ADGRG7: variants seen among roughly 807,000 people sequenced by gnomAD.
ADGRG7 encodes the protein adhesion G protein-coupled receptor G7, also known as G-protein coupled receptor 128.
Under a neutral mutation model 88.6 loss-of-function variants are expected in ADGRG7, and 82 were observed. The ratio of observed to expected loss-of-function variants is 0.93; its 90% CI spans 0.77 to 1.11. The LOEUF is 1.11. Among genes scored for constraint, ADGRG7 ranks in the 50% most tolerant of loss-of-function variants. The probability of loss-of-function intolerance (pLI) is 0.00; values close to 1 mark genes in which losing one functional copy is unlikely to be tolerated. For synonymous variants in ADGRG7, 381 were observed against 345.2 expected (o/e 1.10, Z -1.15); for missense variants, 945 against 953.4 (o/e 0.99, Z 0.12).
intron 8 of ADGRG7, among the ~76,000 whole-genome samples, chr3:100,644,174 A>G (rs1036634034): frequency 8.8e-4 from 101 of 114,692 alleles, no homozygotes; most frequent in Admixed American, 2.7e-3. Context: ...AAGTGGTTGT[A>G]TTTTTCAAAA....
chr3:100,642,927 C>T (rs780954975), intron 6 of ADGRG7, among the ~76,000 whole-genome samples: 1 of 152,148 alleles, frequency 6.6e-6, no homozygotes, highest in Non-Finnish European at 1.5e-5. Context: ...GAAGTGCATG[C>T]CTTGCCAATG....
intron 1 of ADGRG7, among the ~76,000 whole-genome samples, chr3:100,627,309 G>A (rs190483813): frequency 2.6e-5 from 4 of 152,268 alleles, no homozygotes; most frequent in African/African-American, 9.6e-5. Flanking sequence ...TGCATTTATT[G>A]AGATGATCGT....
chr3:100,647,128 A>G (rs1471441936), intron 10 of ADGRG7, among the ~76,000 whole-genome samples: 2 of 152,180 alleles, frequency 1.3e-5, no homozygotes, highest in Admixed American at 1.3e-4. Context: ...CTGCACTCCA[A>G]CCTGGGTGAC....
At chr3:100,661,232 A>C (rs1441798660) in intron 14 of ADGRG7, among the ~76,000 whole-genome samples, 1 of 152,222 alleles carries the variant, frequency 6.6e-6, no homozygotes, top group African/African-American at 2.4e-5. Flanking sequence ...ATTGATTGGA[A>C]TACAGTGCTA....
chr3:100,692,921 A>T (rs2094996318), intron 15 of ADGRG7, among the ~76,000 whole-genome samples: 1 of 152,182 alleles, frequency 6.6e-6, no homozygotes, highest in Admixed American at 6.5e-5. Flanking sequence ...TGTACACTAA[A>T]GTGTAGGAAT....
intron 6 of ADGRG7, among the ~76,000 whole-genome samples, chr3:100,640,661 A>G (rs1432634650): frequency 6.6e-6 from 1 of 152,108 alleles, no homozygotes; most frequent in African/African-American, 2.4e-5. Context: ...AGTTGGGATT[A>G]CAGGCATGCA....
At chr3:100,687,018 A>T (rs1477047241) in intron 15 of ADGRG7, among the ~76,000 whole-genome samples, 1 of 152,114 alleles carries the variant, frequency 6.6e-6, no homozygotes, top group African/African-American at 2.4e-5. Context: ...ATGAGCATGG[A>T]ATGTTCTTCC....
At position 100,684,943 on chromosome 3, in the gene ADGRG7, G is replaced by A. The variant is rs559790736; in HGVS notation, c.2137-9801G>A. Among the ~76,000 whole-genome samples, 352 of 151,776 alleles carry A rather than the reference G, an allele frequency of 2.3e-3. 1 individual carries two copies. The highest frequency in any genetic ancestry group is 8.3e-3 in the African/African-American group (345 of 41,418). ...GGTACAATTTAAAATTTATCATGTT[G>A]TGGTTAAGTTATACTGTCTACATTA... On this transcript the variant is annotated intron_variant, in intron 15 of 15. Transcript: ENST00000273352.
At position 100,678,747 on chromosome 3, in the gene ADGRG7, A is replaced by G. The variant is rs115168125; in HGVS notation, c.2136+9642A>G. On this transcript the variant is annotated intron_variant, in intron 15 of 15. Transcript: ENST00000273352. ...CTTAGGTAAGATCTGGGAGAATTGC[A>G]TGGATTATGAGGCAGAGACTGTTCT... is the stretch of plus-strand genomic sequence containing the variant. 7.0e-3 allele frequency among the ~76,000 whole-genome samples: 1,069 copies of G among 152,324 alleles called. 16 individuals are homozygous for G. Among genetic ancestry groups the G allele is most frequent in the African/African-American group, 0.024 (1,015 of 41,570 alleles).
At chr3:100,639,958 ACT>A (rs1163577049) in intron 6 of ADGRG7, among the ~76,000 whole-genome samples, 5 of 152,082 alleles carry the variant, frequency 3.3e-5, no homozygotes, top group Non-Finnish European at 4.4e-5. Context: ...TCCTTTTATC[ACT>A]CTGAATTTCT....
Position 100,666,690 on chromosome 3 carries a change from C to T in ADGRG7, c.1980-2259C>T, listed in dbSNP as rs549875266. ...AATCCTCCTCAGCACAGACCCTTTACGGGTGTCAGGCTGGGGGACGGTCAG... is the reference window on the plus strand; with the variant it reads ...AATCCTCCTCAGCACAGACCCTTTATGGGTGTCAGGCTGGGGGACGGTCAG... On this transcript the variant is annotated intron_variant, in intron 14 of 15. Transcript: ENST00000273352. Among the ~76,000 whole-genome samples, 258 of 152,242 alleles carry T rather than the reference C, an allele frequency of 1.7e-3. 2 individuals are homozygous for T. The highest frequency in any genetic ancestry group is 2.6e-3 in the Non-Finnish European group (175 of 68,022).
intron 4 of ADGRG7, 178 bp from the exon 5 acceptor site, chr3:100,635,499 G>A: frequency 4.4e-6 from 6 of 1,370,338 alleles, no homozygotes; most frequent in Non-Finnish European, 5.7e-6. Context: ...CAAAACCACT[G>A]GTCTGCATGT....
chr3:100,678,897 G>T (rs2094969156), intron 15 of ADGRG7, among the ~76,000 whole-genome samples: 1 of 152,226 alleles, frequency 6.6e-6, no homozygotes, highest in African/African-American at 2.4e-5. Context: ...GGACTGCGCT[G>T]GGTCAGAACT....
At chr3:100,663,274 C>G (rs2094947872) in intron 14 of ADGRG7, among the ~76,000 whole-genome samples, 1 of 152,134 alleles carries the variant, frequency 6.6e-6, no homozygotes, top group Non-Finnish European at 1.5e-5. Flanking sequence ...ACTAGTTTCT[C>G]TTATTGCTGC....
rs555335019 is a variant in ADGRG7, at chr3:100,652,741, C to T, written c.1380-2094C>T. Among the ~76,000 whole-genome samples, 5 of 152,074 alleles carry T rather than the reference C, an allele frequency of 3.3e-5. No homozygotes were observed. The East Asian group carries it at 5.8e-4, about 18-fold the overall frequency. On this transcript the variant is annotated intron_variant, in intron 11 of 15. Transcript: ENST00000273352. The stretch of plus-strand genomic sequence containing the variant: ...ATATATACATGAACTACACACACCA[C>T]ACCATACATACACACACACCACACC...
chr3:100,615,156 A>G (rs945141119), intron 1 of ADGRG7, among the ~76,000 whole-genome samples: 1 of 152,228 alleles, frequency 6.6e-6, no homozygotes, highest in Non-Finnish European at 1.5e-5. Flanking sequence ...CTGCTCTGCT[A>G]CCAATTAATT....
At chr3:100,624,550 T>C (rs1366458064) in intron 1 of ADGRG7, among the ~76,000 whole-genome samples, 1 of 152,214 alleles carries the variant, frequency 6.6e-6, no homozygotes, top group Non-Finnish European at 1.5e-5. Flanking sequence ...TTAGATCCCA[T>C]TTGTCAATTT....
chr3:100,616,122 C>G (rs931360250), intron 1 of ADGRG7, among the ~76,000 whole-genome samples: 4 of 152,272 alleles, frequency 2.6e-5, no homozygotes, highest in African/African-American at 9.6e-5. Context: ...AAGACTACTA[C>G]TGATGGTGCC....
At chr3:100,680,555 A>G (rs2094971585) in intron 15 of ADGRG7, among the ~76,000 whole-genome samples, 1 of 151,868 alleles carries the variant, frequency 6.6e-6, no homozygotes, top group African/African-American at 2.4e-5. Context: ...CTACTTTTGG[A>G]TACATTTAAT....
Sources: allele counts gnomAD v4.1 joint callset (sites outside exome capture counted in the v4.1 genomes callset), GRCh38; gene constraint gnomAD v4.1.1; transcripts MANE v1.5; gene names NCBI Gene and HGNC (gene_info 2026-07-23, HGNC 2026-07-21).